AMBRA1: variants seen among roughly 807,000 people sequenced by gnomAD.
AMBRA1 encodes activating molecule in BECN1-regulated autophagy protein 1.
In AMBRA1, 47 loss-of-function variants were observed where a neutral mutation model predicts 125.4. The ratio of observed to expected loss-of-function variants is 0.37; its 90% CI spans 0.30 to 0.48. The LOEUF is 0.48. Among genes scored for constraint, AMBRA1 ranks in the 20% least tolerant of loss-of-function variants. AMBRA1 has a pLI of 0.99. For missense variants in AMBRA1, 1,331 were observed against 1,693.4 expected, an observed-to-expected ratio of 0.79 and a Z score of 3.76; for synonymous variants, 626 against 655.5, an observed-to-expected ratio of 0.95 and a Z score of 0.69.
intron 11 of AMBRA1, among the ~76,000 whole-genome samples, chr11:46,458,364 T>G (rs1482207425): frequency 6.6e-6 from 1 of 152,136 alleles, no homozygotes; most frequent in African/African-American, 2.4e-5. Context: ...TTTCCTGAAT[T>G]AGAGAGAAAT....
chr11:46,545,834 G>C, intron 4 of AMBRA1, 58 bp from the exon 5 acceptor site: 1 of 1,557,688 alleles, frequency 6.4e-7, no homozygotes, highest in Non-Finnish European at 8.8e-7. Flanking sequence ...ACACTGGGAA[G>C]TCAATTTCAA....
At chr11:46,447,346 C>T (rs981163464) in intron 11 of AMBRA1, among the ~76,000 whole-genome samples, 11 of 152,004 alleles carry the variant, frequency 7.2e-5, no homozygotes, top group African/African-American at 2.7e-4. Flanking sequence ...ACCAGCGTGA[C>T]CAACATGGTG....
At chr11:46,448,196 A>G (rs1387685756) in intron 11 of AMBRA1, among the ~76,000 whole-genome samples, 1 of 152,206 alleles carries the variant, frequency 6.6e-6, no homozygotes, top group East Asian at 1.9e-4. Flanking sequence ...AAGACAGACC[A>G]CCTTCTGGGC....
At chr11:46,572,157 T>A (rs2043788305) in intron 1 of AMBRA1, among the ~76,000 whole-genome samples, 2 of 151,988 alleles carry the variant, frequency 1.3e-5, no homozygotes, top group African/African-American at 4.8e-5. Flanking sequence ...AAAAATTTGC[T>A]GGGCGTGGTG....
In AMBRA1 at chr11:46,397,580, A is replaced by T; in HGVS notation, c.3767T>A (p.Ile1256Asn). The change falls in exon 18 of 18, where the codon ATT becomes AAT. Residue 1256 changes from isoleucine to asparagine, a missense_variant. Ile to Asn is a moderately radical substitution (Grantham distance 149, BLOSUM62 -3). This residue lies in a region of AMBRA1 where 144 missense variants were observed against 133.9 expected (regional missense o/e 1.08). Transcript: ENST00000683756. ...PTLPSSSPVP[I>N]PVSLPSAEGP... ...CTCAGCGCTGGGAAGGGAAACAGGA[A>T]TGGGGACAGGGGAGGAAGAGGGCAG... 1 of 1,590,040 alleles carries T rather than the reference A, an allele frequency of 6.3e-7. No individual in the cohort carries two copies. Among genetic ancestry groups the T allele is most frequent in the Non-Finnish European group, 8.6e-7 (1 of 1,166,162 alleles).
chr11:46,503,166 C>T (rs1032464337), intron 9 of AMBRA1, among the ~76,000 whole-genome samples: 9 of 149,208 alleles, frequency 6.0e-5, no homozygotes, highest in Non-Finnish European at 1.2e-4. Flanking sequence ...CAAGTTTCAA[C>T]ATGTCTTGCT....
intron 1 of AMBRA1, among the ~76,000 whole-genome samples, chr11:46,574,076 T>C (rs1382569254): frequency 8.2e-5 from 11 of 134,180 alleles, no homozygotes; most frequent in East Asian, 2.1e-4. Flanking sequence ...TGTTGGACAT[T>C]TGGGTTGGTT....
At chr11:46,406,148 G>C (rs1056740594) in intron 17 of AMBRA1, among the ~76,000 whole-genome samples, 1 of 151,636 alleles carries the variant, frequency 6.6e-6, no homozygotes, top group African/African-American at 2.4e-5. Flanking sequence ...CTGCCTCCCA[G>C]GTTCAAGTGA....
intron 1 of AMBRA1, among the ~76,000 whole-genome samples, chr11:46,559,608 G>A (rs1036099855): frequency 6.6e-6 from 1 of 152,174 alleles, no homozygotes; most frequent in South Asian, 2.1e-4. Flanking sequence ...TTTCGAGCTT[G>A]AGAATACTAA....
chr11:46,410,650 T>TA (rs1024401866), intron 15 of AMBRA1, among the ~76,000 whole-genome samples: 79 of 152,206 alleles, frequency 5.2e-4, no homozygotes, highest in Non-Finnish European at 2.6e-4. Context: ...AAGAGACAGC[T>TA]AAAAAAATAG....
At chr11:46,487,082 A>G (rs1950294320) in intron 11 of AMBRA1, among the ~76,000 whole-genome samples, 1 of 151,924 alleles carries the variant, frequency 6.6e-6, no homozygotes, top group Admixed American at 6.6e-5. Flanking sequence ...ACATGGCAAA[A>G]CCCCATCTCT....
chr11:46,497,156 G>T (rs1379867008), intron 9 of AMBRA1, among the ~76,000 whole-genome samples: 1 of 151,726 alleles, frequency 6.6e-6, no homozygotes, highest in East Asian at 1.9e-4. Context: ...AAAAATAAAG[G>T]GAAGGGGTTA....
At chr11:46,574,638 C>A (rs2043888791) in intron 1 of AMBRA1, among the ~76,000 whole-genome samples, 1 of 152,046 alleles carries the variant, frequency 6.6e-6, no homozygotes, top group African/African-American at 2.4e-5. Flanking sequence ...TGTGAAAACA[C>A]CAAAATGTAA....
chr11:46,470,049 C>T (rs1449222848), intron 11 of AMBRA1, among the ~76,000 whole-genome samples: 2 of 152,050 alleles, frequency 1.3e-5, no homozygotes, highest in African/African-American at 2.4e-5. Context: ...CATTGTGTAG[C>T]AAGATACTTT....
intron 14 of AMBRA1, among the ~76,000 whole-genome samples, chr11:46,427,627 A>C (rs1947211679): frequency 6.6e-6 from 1 of 152,202 alleles, no homozygotes; most frequent in African/African-American, 2.4e-5. Context: ...ATTTCTAATA[A>C]GTTCCCTAGA....
At chr11:46,564,518 G>A (rs780488044) in intron 1 of AMBRA1, among the ~76,000 whole-genome samples, 12 of 151,868 alleles carry the variant, frequency 7.9e-5, no homozygotes, top group South Asian at 2.1e-4. Flanking sequence ...CAAATGAGCA[G>A]TATTGTATAG....
chr11:46,499,015 T>G (rs954661747), intron 9 of AMBRA1, among the ~76,000 whole-genome samples: 2 of 152,194 alleles, frequency 1.3e-5, no homozygotes, highest in African/African-American at 4.8e-5. Context: ...TGTGCACATA[T>G]GCAAGGGCTT....
At chr11:46,472,640 A>G (rs1949645488) in intron 11 of AMBRA1, among the ~76,000 whole-genome samples, 1 of 152,232 alleles carries the variant, frequency 6.6e-6, no homozygotes, top group African/African-American at 2.4e-5. Flanking sequence ...GTAGTTCTCA[A>G]TCTTTTTGTG....
chr11:46,484,004 T>TA (rs1950172725), intron 11 of AMBRA1, among the ~76,000 whole-genome samples: 4 of 152,304 alleles, frequency 2.6e-5, no homozygotes, highest in African/African-American at 9.6e-5. Flanking sequence ...GATGGGACAG[T>TA]AAAGAGGATT....
Sources: gnomAD v4.1 joint callset for allele counts (sites outside exome capture counted in the v4.1 genomes callset) on GRCh38, gnomAD v4.1.1 for gene constraint, gnomAD v4.1.1 regional missense constraint, MANE v1.5 for transcripts, NCBI Gene and HGNC (gene_info 2026-07-23, HGNC 2026-07-21) for gene names.